The following CTXND2 variants were observed in gnomAD, a reference collection of about 807,000 sequenced individuals.
CTXND2 encodes cortexin domain containing 2.
intron 1 of CTXND2, among the ~76,000 whole-genome samples, chr1:150,893,119 A>C (rs1458351242): frequency 6.6e-6 from 1 of 152,182 alleles, no homozygotes; most frequent in African/African-American, 2.4e-5. Flanking sequence ...ACGTATTTTT[A>C]ATGCCATTGT....
At chr1:150,896,151 G>A (rs587606228) in intron 1 of CTXND2, among the ~76,000 whole-genome samples, 2 of 152,310 alleles carry the variant, frequency 1.3e-5, no homozygotes, top group South Asian at 4.1e-4. Context: ...TAGGTAGGGG[G>A]AATATGTGAG....
chr1:150,900,097 G>T (rs143884550), intron 1 of CTXND2, among the ~76,000 whole-genome samples: 3 of 152,116 alleles, frequency 2.0e-5, no homozygotes, highest in African/African-American at 7.2e-5. Flanking sequence ...CAACCCGTTC[G>T]GGTCCCTTTC....
intron 1 of CTXND2, among the ~76,000 whole-genome samples, chr1:150,892,417 A>G (rs893449862): frequency 2.0e-5 from 3 of 152,026 alleles, no homozygotes; most frequent in Non-Finnish European, 4.4e-5. Context: ...CTATGCCCAC[A>G]TACCTACCCC....
intron 1 of CTXND2, among the ~76,000 whole-genome samples, chr1:150,900,080 G>A (rs1042183026): frequency 2.0e-5 from 3 of 152,290 alleles, no homozygotes; most frequent in South Asian, 2.1e-4. Flanking sequence ...GCCTGAGCCA[G>A]CAGCAGCAAC....
chr1:150,902,268 G>A (rs587667555), intron 1 of CTXND2, among the ~76,000 whole-genome samples: 6 of 151,908 alleles, frequency 3.9e-5, no homozygotes, highest in South Asian at 4.2e-4. Flanking sequence ...TTAGCCAGGC[G>A]TGGTGGTGGG....
chr1:150,896,720 C>T (rs1017213969), intron 1 of CTXND2, among the ~76,000 whole-genome samples: 7 of 152,064 alleles, frequency 4.6e-5, no homozygotes, highest in African/African-American at 1.7e-4. Flanking sequence ...TTTTACATAC[C>T]CACTTTAGAA....
chr1:150,892,528 C>CTTTTTTTTTTTTTT (rs5777740), intron 1 of CTXND2, among the ~76,000 whole-genome samples: 4 of 123,346 alleles, frequency 3.2e-5, no homozygotes, highest in Non-Finnish European at 6.8e-5. Context: ...TCTTCTTCTT[C>CTTTTTTTTTTTTTT]TTTTTTTTTT....
chr1:150,900,825 T>C (rs954547972), intron 1 of CTXND2, among the ~76,000 whole-genome samples: 3 of 152,220 alleles, frequency 2.0e-5, no homozygotes, highest in African/African-American at 4.8e-5. Context: ...ACATAAAATA[T>C]ATAACTGTTA....
chr1:150,895,073 C>G (rs1668898958), intron 1 of CTXND2, among the ~76,000 whole-genome samples: 2 of 151,300 alleles, frequency 1.3e-5, no homozygotes, highest in South Asian at 4.2e-4. Flanking sequence ...ATATATGATG[C>G]TTTTTGTATT....
intron 1 of CTXND2, among the ~76,000 whole-genome samples, chr1:150,903,365 A>G (rs982627174): frequency 4.6e-5 from 7 of 152,102 alleles, no homozygotes; most frequent in Non-Finnish European, 8.8e-5. Flanking sequence ...AGAGGCCAAC[A>G]GCCTTTCCCT....
chr1:150,888,359 G>A (rs587597458), intron 1 of CTXND2, among the ~76,000 whole-genome samples: 5 of 151,406 alleles, frequency 3.3e-5, no homozygotes, highest in East Asian at 1.9e-4. Context: ...GACTACAGGC[G>A]TGCACCACCA....
At position 150,889,244 on chromosome 1, in the gene CTXND2, C is replaced by T. The variant is rs896713652; in HGVS notation, c.-74+1931C>T. On this transcript the variant is annotated intron_variant, in intron 1 of 1. Coordinates refer to ENST00000636087, the Ensembl canonical transcript of CTXND2. ...CTAACAGGATGAGACCCCGTCTCTA[C>T]AAAAACTTAGCCGGGCGTGGCAGCG... 2.1e-4 allele frequency among the ~76,000 whole-genome samples: 32 copies of T among 151,774 alleles called. 2 individuals are homozygous for T. Among genetic ancestry groups the T allele is most frequent in the Non-Finnish European group, 4.3e-4 (29 of 67,916 alleles).
At chr1:150,900,112 G>A (rs914891185) in intron 1 of CTXND2, among the ~76,000 whole-genome samples, 16 of 152,090 alleles carry the variant, frequency 1.1e-4, no homozygotes, top group East Asian at 1.9e-4. Flanking sequence ...CCTTTCCACC[G>A]TGTGGAGGCT....
intron 1 of CTXND2, among the ~76,000 whole-genome samples, chr1:150,895,536 C>G (rs1029885515): frequency 6.6e-6 from 1 of 151,946 alleles, no homozygotes; most frequent in East Asian, 1.9e-4. Flanking sequence ...TAGAGATGGG[C>G]TTTCACTATG....
At chr1:150,899,179 G>A (rs1308336718) in intron 1 of CTXND2, among the ~76,000 whole-genome samples, 3 of 151,972 alleles carry the variant, frequency 2.0e-5, no homozygotes, top group Non-Finnish European at 4.4e-5. Context: ...GGTGGCTCAC[G>A]CCTGTAATCC....
At chr1:150,900,624 G>A (rs1249658611) in intron 1 of CTXND2, among the ~76,000 whole-genome samples, 3 of 151,420 alleles carry the variant, frequency 2.0e-5, no homozygotes, top group African/African-American at 4.9e-5. Context: ...TTCCAGCCTG[G>A]GCCACAGAGC....
At chr1:150,898,476 G>C (rs1441139468) in intron 1 of CTXND2, among the ~76,000 whole-genome samples, 1 of 152,036 alleles carries the variant, frequency 6.6e-6, no homozygotes, top group East Asian at 1.9e-4. Context: ...CCCCCTTACT[G>C]GCCGGGCGTG....
intron 1 of CTXND2, among the ~76,000 whole-genome samples, chr1:150,889,588 G>A (rs1329103838): frequency 6.6e-6 from 1 of 151,676 alleles, no homozygotes; most frequent in Non-Finnish European, 1.5e-5. Context: ...TTTCCTTTCT[G>A]TTACTCACTG....
At chr1:150,913,020 A>C (rs985249133) in exon 2 of CTXND2, 1 of 152,196 alleles carries the variant, frequency 6.6e-6, no homozygotes, top group Admixed American at 6.5e-5. Context: ...AAATTTCCTC[A>C]TCTATAAAAT....
Sources: gnomAD v4.1 joint callset for allele counts (sites outside exome capture counted in the v4.1 genomes callset) on GRCh38, gnomAD v4.1.1 for gene constraint, MANE v1.5 for transcripts, NCBI Gene and HGNC (gene_info 2026-07-23, HGNC 2026-07-21) for gene names.